Variants in CCDC141 observed in about 807,000 individuals in gnomAD.
CCDC141 encodes the protein coiled-coil domain-containing protein 141.
A neutral mutation model predicts 181.0 loss-of-function variants in CCDC141; 168 were observed. That is an observed-to-expected ratio of 0.93 (90% CI 0.82 to 1.05). CCDC141 has a LOEUF of 1.05. CCDC141 is among the 50% of genes least tolerant of loss of function. The pLI, the probability that CCDC141 is intolerant of heterozygous loss-of-function variation, is 0.00. For synonymous variants in CCDC141, 666 were observed against 642.3 expected (o/e 1.04, Z -0.56); for missense variants, 1,902 against 1,788.5 (o/e 1.06, Z -1.14).
intron 5 of CCDC141, among the ~76,000 whole-genome samples, chr2:178,953,154 C>T (rs944865740): frequency 3.9e-5 from 6 of 152,120 alleles, no homozygotes; most frequent in African/African-American, 7.2e-5. Flanking sequence ...TGTTCACATT[C>T]GGCTGGGCGT....
At chr2:178,921,326 T>A (rs1688678973) in intron 6 of CCDC141, among the ~76,000 whole-genome samples, 1 of 152,220 alleles carries the variant, frequency 6.6e-6, no homozygotes, top group Non-Finnish European at 1.5e-5. Context: ...ACAGTACAAT[T>A]TCTGGCACAC....
intron 17 of CCDC141, among the ~76,000 whole-genome samples, chr2:178,861,256 T>TC (rs1041551808): frequency 1.3e-5 from 2 of 151,972 alleles, no homozygotes; most frequent in African/African-American, 4.8e-5. Context: ...AGCCTCAAAC[T>TC]CATGGGCACA....
intron 2 of CCDC141, among the ~76,000 whole-genome samples, chr2:179,044,295 A>G (rs1261777798): frequency 6.6e-6 from 1 of 152,234 alleles, no homozygotes; most frequent in African/African-American, 2.4e-5. Context: ...TCACAGTATT[A>G]GAAAAAACTA....
At chr2:178,942,892 A>G (rs1689579153) in intron 6 of CCDC141, among the ~76,000 whole-genome samples, 1 of 152,190 alleles carries the variant, frequency 6.6e-6, no homozygotes, top group Admixed American at 6.6e-5. Flanking sequence ...TGATGGAAAG[A>G]ATATCTATAT....
At chr2:178,815,212 G>A in the CCDC141 span, among the ~76,000 whole-genome samples, 1 of 152,296 alleles carries the variant, frequency 6.6e-6, no homozygotes. Context: ...TTAAGGACAT[G>A]AACAACTTTA....
downstream of CCDC141, among the ~76,000 whole-genome samples, chr2:178,828,642 C>G (rs1243177359): frequency 1.3e-5 from 2 of 152,216 alleles, no homozygotes; most frequent in African/African-American, 4.8e-5. Context: ...ATTCCCCTTT[C>G]TGACCCTGCC....
At chr2:178,818,029 C>G in the CCDC141 span, among the ~76,000 whole-genome samples, 361 of 152,258 alleles carry the variant, frequency 2.4e-3, 4 homozygotes, top group African/African-American at 7.7e-3. Context: ...TCCCAAACTC[C>G]TGACCTTAGG....
At chr2:179,030,469 G>A (rs1223355030) in intron 2 of CCDC141, among the ~76,000 whole-genome samples, 2 of 151,980 alleles carry the variant, frequency 1.3e-5, no homozygotes, top group Non-Finnish European at 2.9e-5. Context: ...TTTGAGCAAT[G>A]GATGAACACT....
In CCDC141 at chr2:178,836,190, A is replaced by C. The variant is rs1029126552; in HGVS notation, c.4325+704T>G. 4 of 152,486 alleles carry C rather than the reference A, an allele frequency of 2.6e-5. No individual in the cohort carries two copies. The South Asian group carries it at 6.2e-4, about 24-fold the overall frequency. The allele number at this position is 152,486 out of a possible 1,614,324, so 9.4% of individuals were successfully genotyped here. A position where few individuals can be genotyped will look rare whatever the true frequency, so the allele number is the denominator to read the frequency against. ...TTGAGAAAGAACTGCTTTTGTTACC[A>C]ATAGTAGGTGATCCAAAACCAGTAT... On this transcript the variant is annotated intron_variant, in intron 23 of 23. Transcript: ENST00000443758.
chr2:179,046,385 C>A lies in CCDC141; in HGVS notation c.225+899G>T, dbSNP rs143615147. Among the ~76,000 whole-genome samples the A allele has an allele frequency of 3.5e-3, 538 of 152,340 alleles. 2 individuals are homozygous for A. The highest frequency in any genetic ancestry group is 6.5e-3 in the Non-Finnish European group (444 of 68,036). On this transcript the variant is annotated intron_variant, in intron 2 of 23. Coordinates refer to ENST00000443758, the MANE Select transcript of CCDC141 (RefSeq NM_173648.4). ...CAGAGCAAGTGCTGAGGGCTTGGCA[C>A]CTCATCAGACATGTGGTCCTATCTC...
rs1312145200 is a variant in CCDC141 at position 178,834,266 on chromosome 2, A to C, written c.4500T>G (p.Gly1500=). Residue 1500 remains glycine (G), a synonymous_variant, in exon 24 of 24, where the codon GGT becomes GGG. Coordinates refer to ENST00000443758, the MANE Select transcript of CCDC141 (RefSeq NM_173648.4). The part of the protein sequence containing the change: ...LSSNVILHVT[G]NCRLPITRVN... ...CTCTTGTGATTGGCAGCCTGCAGTT[A>C]CCTGTCACGTGGAGGATGACATTGG... 6.5e-7 allele frequency: 1 copy of C among 1,536,118 alleles called. No homozygotes were observed. The highest frequency in any genetic ancestry group is 8.7e-7 in the Non-Finnish European group (1 of 1,146,864).
intron 2 of CCDC141, among the ~76,000 whole-genome samples, chr2:178,993,809 C>T (rs1482382964): frequency 6.6e-6 from 1 of 152,164 alleles, no homozygotes; most frequent in Non-Finnish European, 1.5e-5. Flanking sequence ...GGGTTAAATA[C>T]AGCCATTCCA....
chr2:178,971,980 G>A (rs61427153), intron 4 of CCDC141, among the ~76,000 whole-genome samples: 5,406 of 151,902 alleles, frequency 0.036, 202 homozygotes, highest in East Asian at 0.13. Context: ...TGTAAGTGAC[G>A]GGTTGATGGG....
At chr2:178,857,381 A>G (rs78337753) in intron 17 of CCDC141, among the ~76,000 whole-genome samples, 3,233 of 152,298 alleles carry the variant, frequency 0.021, 107 homozygotes, top group African/African-American at 0.072. Flanking sequence ...AAAGAGTTTT[A>G]CCCCTTAGAT....
chr2:178,827,846 C>T (rs190945005), downstream of CCDC141, among the ~76,000 whole-genome samples: 2 of 152,196 alleles, frequency 1.3e-5, no homozygotes, highest in African/African-American at 2.4e-5. Flanking sequence ...TGTATTCTTT[C>T]ATCGTTCAGA....
At chr2:178,972,292 C>T (rs1203400908) in intron 4 of CCDC141, among the ~76,000 whole-genome samples, 1 of 152,114 alleles carries the variant, frequency 6.6e-6, no homozygotes, top group African/African-American at 2.4e-5. Flanking sequence ...TCGTTTGTTG[C>T]TCACTTTTGC....
chr2:178,969,990 G>A (rs1411919019), intron 4 of CCDC141, among the ~76,000 whole-genome samples: 1 of 151,906 alleles, frequency 6.6e-6, no homozygotes, highest in South Asian at 2.1e-4. Flanking sequence ...AACAGACAGA[G>A]AGCCAAATCA....
intron 2 of CCDC141, among the ~76,000 whole-genome samples, chr2:179,021,795 T>C (rs1330702883): frequency 2.0e-5 from 3 of 152,210 alleles, no homozygotes; most frequent in Non-Finnish European, 4.4e-5. Flanking sequence ...AAAATCTGTT[T>C]ATAATGGAAA....
intron 2 of CCDC141, among the ~76,000 whole-genome samples, chr2:179,033,185 C>T (rs1454854375): frequency 6.6e-6 from 1 of 151,778 alleles, no homozygotes; most frequent in Non-Finnish European, 1.5e-5. Flanking sequence ...TGGTTCTTCA[C>T]ATCCACATCC....
Sources: allele counts gnomAD v4.1 joint callset (sites outside exome capture counted in the v4.1 genomes callset), GRCh38; gene constraint gnomAD v4.1.1; transcripts MANE v1.5; gene names NCBI Gene and HGNC (gene_info 2026-07-23, HGNC 2026-07-21).